NCKAP5: variants seen among roughly 807,000 people sequenced by gnomAD.
The protein encoded by NCKAP5 is NCK associated protein 5.
In NCKAP5, 92 loss-of-function variants were observed where a neutral mutation model predicts 167.0. That is an observed-to-expected ratio of 0.55 (90% CI 0.47 to 0.66). NCKAP5 has a LOEUF of 0.66. NCKAP5 is among the 30% of genes least tolerant of loss of function. The pLI is 0.00. For synonymous variants in NCKAP5, 891 were observed against 877.4 expected, an observed-to-expected ratio of 1.02 and a Z score of -0.27; for missense variants, 2,378 against 2,315.0, an observed-to-expected ratio of 1.03 and a Z score of -0.56.
At chr2:133,230,366 T>G (rs1374078328) in intron 4 of NCKAP5, among the ~76,000 whole-genome samples, 1 of 152,180 alleles carries the variant, frequency 6.6e-6, no homozygotes, top group Non-Finnish European at 1.5e-5. Flanking sequence ...AGCGTTGCTG[T>G]GGGCATTAAA....
rs2078708996 is a variant in NCKAP5 at position 133,026,677 on chromosome 2, T to G, written c.342-32438A>C. ...AGAGCTTGGATCAGAGACTGAACTGTTTTTGAGAAAGTCTGTGCGCTGAAG... is the reference window on the plus strand; with the variant it reads ...AGAGCTTGGATCAGAGACTGAACTGGTTTTGAGAAAGTCTGTGCGCTGAAG... On this transcript the variant is annotated intron_variant, in intron 6 of 19. Transcript: ENST00000409261. 2.6e-5 allele frequency among the ~76,000 whole-genome samples: 4 copies of G among 152,264 alleles called. No homozygotes were observed. The South Asian group carries it at 6.2e-4, about 24-fold the overall frequency.
At chr2:133,594,222 T>G in the NCKAP5 span, among the ~76,000 whole-genome samples, 100,147 of 152,074 alleles carry the variant, frequency 0.66, 34,310 homozygotes, top group East Asian at 0.94. Context: ...GTTAGGTGGC[T>G]GGGTTACCAT....
chr2:133,010,224 T>C (rs531100524), intron 6 of NCKAP5, among the ~76,000 whole-genome samples: 4 of 152,358 alleles, frequency 2.6e-5, no homozygotes, highest in South Asian at 4.1e-4. Flanking sequence ...AAATTGCTTA[T>C]TATGATTTTC....
At chr2:133,412,863 T>C (rs1230775876) in intron 3 of NCKAP5, among the ~76,000 whole-genome samples, 1 of 152,202 alleles carries the variant, frequency 6.6e-6, no homozygotes, top group Non-Finnish European at 1.5e-5. Context: ...TAAAGAAACA[T>C]TTGAGATTTC....
intron 3 of NCKAP5, among the ~76,000 whole-genome samples, chr2:133,440,709 C>CAAAAA (rs1174654151): frequency 9.2e-5 from 3 of 32,662 alleles, no homozygotes; most frequent in African/African-American, 2.0e-4. Context: ...GACTCTGTCT[C>CAAAAA]AAAAAAAAAA....
chr2:132,809,550 T>C (rs1685698925), intron 11 of NCKAP5, among the ~76,000 whole-genome samples: 1 of 152,232 alleles, frequency 6.6e-6, no homozygotes, highest in African/African-American at 2.4e-5. Flanking sequence ...CTGCCGATGC[T>C]TTAAAGCTTG....
chr2:133,527,307 T>C (rs535737067), intron 2 of NCKAP5: 4 of 152,212 alleles, frequency 2.6e-5, no homozygotes, highest in Admixed American at 2.0e-4. Flanking sequence ...CTCCATTGAA[T>C]GTCTTTGTGC....
chr2:132,860,885 T>A (rs931692173), intron 10 of NCKAP5, among the ~76,000 whole-genome samples: 3 of 152,216 alleles, frequency 2.0e-5, no homozygotes, highest in African/African-American at 7.2e-5. Context: ...ATCTTAGCGA[T>A]ATGAAGTCAA....
At chr2:133,230,050 T>C (rs1327301645) in intron 4 of NCKAP5, among the ~76,000 whole-genome samples, 1 of 152,202 alleles carries the variant, frequency 6.6e-6, no homozygotes, top group African/African-American at 2.4e-5. Flanking sequence ...GGCATCTCAC[T>C]TGTTTTGAGC....
the NCKAP5 span, among the ~76,000 whole-genome samples, chr2:133,616,743 T>C: frequency 9.6e-4 from 146 of 152,082 alleles, 2 homozygotes; most frequent in Admixed American, 2.2e-3. Context: ...ACTGGTACCA[T>C]TCCTTCTGAA....
intron 6 of NCKAP5, among the ~76,000 whole-genome samples, chr2:133,100,007 G>A (rs541684636): frequency 6.6e-6 from 1 of 152,316 alleles, no homozygotes; most frequent in South Asian, 2.1e-4. Context: ...GTGGACGCTG[G>A]TATTGAATAT....
At position 132,783,471 on chromosome 2, in the gene NCKAP5, G is replaced by A; in HGVS notation, c.3340C>T (p.Gln1114Ter). 1 of 1,594,986 alleles carries A rather than the reference G, an allele frequency of 6.3e-7. No individual in the cohort carries two copies. Among genetic ancestry groups the A allele is most frequent in the Non-Finnish European group, 8.5e-7 (1 of 1,170,356 alleles). The change falls in exon 14 of 20, where the codon CAG becomes TAG. Residue 1114 changes from glutamine to a stop codon, truncating the protein, a stop_gained. Coordinates refer to ENST00000409261, the MANE Select transcript of NCKAP5 (RefSeq NM_207363.3). LOFTEE classifies it high-confidence loss of function. ...FLGVNESPSS[Q>*]VSSSSSSSSP... ...GAGGATGATGAGGAACTGCTGACCT[G>A]AGATGATGGTGACTCATTTACCCCT...
At chr2:133,045,261 AGAGG>A (rs889863998) in intron 6 of NCKAP5, among the ~76,000 whole-genome samples, 13 of 152,094 alleles carry the variant, frequency 8.5e-5, no homozygotes, top group African/African-American at 2.9e-4. Context: ...AGCCAGAAAG[AGAGG>A]AACAGAGGAA....
chr2:133,284,133 A>G (rs952163411), intron 4 of NCKAP5, among the ~76,000 whole-genome samples: 1 of 151,960 alleles, frequency 6.6e-6, no homozygotes, highest in African/African-American at 2.4e-5. Context: ...TGTCAGAAGC[A>G]AGGTGAATGA....
chr2:133,359,253 TC>T (rs1164940270), intron 3 of NCKAP5, among the ~76,000 whole-genome samples: 1 of 152,170 alleles, frequency 6.6e-6, no homozygotes, highest in Non-Finnish European at 1.5e-5. Context: ...AAGCAGGCAA[TC>T]TTCTTTGTCC....
intron 16 of NCKAP5, among the ~76,000 whole-genome samples, chr2:132,738,442 T>A (rs1216971848): frequency 6.6e-6 from 1 of 152,218 alleles, no homozygotes; most frequent in Non-Finnish European, 1.5e-5. Context: ...GCTGCCATAC[T>A]GTTTAACACC....
chr2:133,383,953 A>G (rs1402945466), intron 3 of NCKAP5, among the ~76,000 whole-genome samples: 3 of 152,166 alleles, frequency 2.0e-5, no homozygotes, highest in East Asian at 3.9e-4. Context: ...GATTCTGGAT[A>G]TTAGCCCTTT....
intron 6 of NCKAP5, among the ~76,000 whole-genome samples, chr2:133,024,136 A>G (rs985614824): frequency 6.6e-6 from 1 of 152,208 alleles, no homozygotes; most frequent in Non-Finnish European, 1.5e-5. Flanking sequence ...CAGTTCTTCA[A>G]TGCATATTGG....
At chr2:133,278,813 A>G (rs1048695510) in intron 4 of NCKAP5, among the ~76,000 whole-genome samples, 20 of 151,792 alleles carry the variant, frequency 1.3e-4, no homozygotes, top group Non-Finnish European at 2.6e-4. Flanking sequence ...TCTTAAAATA[A>G]GGGGGAAAGG....
Sources: gnomAD v4.1 joint callset for allele counts (sites outside exome capture counted in the v4.1 genomes callset) on GRCh38, gnomAD v4.1.1 for gene constraint, MANE v1.5 for transcripts, NCBI Gene and HGNC (gene_info 2026-07-23, HGNC 2026-07-21) for gene names.